The following CDKL1 variants were observed in gnomAD, a reference collection of about 807,000 sequenced individuals.
CDKL1 encodes cyclin-dependent kinase-like 1.
A neutral mutation model predicts 42.0 loss-of-function variants in CDKL1; 41 were observed. The observed-to-expected ratio is 0.98, with a 90% CI of 0.76 to 1.27. The LOEUF is 1.27. Ranked by LOEUF, CDKL1 falls within the 50% of genes most tolerant of loss-of-function variation. The pLI is 0.00. For missense variants in CDKL1, 394 were observed against 428.4 expected, an observed-to-expected ratio of 0.92 and a Z score of 0.71; for synonymous variants, 153 against 158.6, an observed-to-expected ratio of 0.96 and a Z score of 0.26.
intron 2 of CDKL1, among the ~76,000 whole-genome samples, chr14:50,361,962 C>A (rs377512870): frequency 6.6e-6 from 1 of 152,224 alleles, no homozygotes; most frequent in African/African-American, 2.4e-5. Flanking sequence ...GAGGGAGAGG[C>A]GCAGGCGGGA....
chr14:50,341,472 G>GGGT (rs2033535223), intron 5 of CDKL1, among the ~76,000 whole-genome samples: 1 of 92,786 alleles, frequency 1.1e-5, no homozygotes, highest in Non-Finnish European at 2.3e-5. Context: ...GGGGGGGGGG[G>GGGT]TTATTTGGCT....
intron 2 of CDKL1, chr14:50,363,055 C>T (rs891701477): frequency 2.4e-6 from 1 of 417,796 alleles, no homozygotes; most frequent in Non-Finnish European, 5.3e-6. Context: ...GAAAGAACAA[C>T]TCCAAACACA....
At chr14:50,372,105 T>G (rs10142261) in intron 2 of CDKL1, among the ~76,000 whole-genome samples, 113,694 of 151,908 alleles carry the variant, frequency 0.75, 43,099 homozygotes, top group African/African-American at 0.88. Flanking sequence ...TGGGTATTTT[T>G]GTTTTGTTTT....
chr14:50,363,533 A>C (rs1405927337), intron 2 of CDKL1, among the ~76,000 whole-genome samples: 1 of 152,308 alleles, frequency 6.6e-6, no homozygotes, highest in East Asian at 1.9e-4. Context: ...ACTGAAAAAT[A>C]ATCATCCTTA....
At chr14:50,340,281 C>A (rs2033464799) in intron 6 of CDKL1, among the ~76,000 whole-genome samples, 1 of 152,144 alleles carries the variant, frequency 6.6e-6, no homozygotes, top group African/African-American at 2.4e-5. Flanking sequence ...AAGACGTGGT[C>A]TCACCATCAG....
intron 2 of CDKL1, among the ~76,000 whole-genome samples, chr14:50,387,515 C>G (rs913711432): frequency 3.4e-5 from 4 of 119,258 alleles, no homozygotes; most frequent in Non-Finnish European, 7.3e-5. Flanking sequence ...AAGACCAAGA[C>G]TCCATCTCAA....
intron 9 of CDKL1, chr14:50,330,927 T>A (rs768710002): frequency 6.6e-6 from 1 of 152,224 alleles, no homozygotes; most frequent in Non-Finnish European, 1.5e-5. Flanking sequence ...CAGTTGATTC[T>A]TTCAGGATTT....
At chr14:50,392,036 T>C (rs1259481534) in intron 2 of CDKL1, among the ~76,000 whole-genome samples, 3 of 152,204 alleles carry the variant, frequency 2.0e-5, no homozygotes, top group Non-Finnish European at 4.4e-5. Context: ...CTCACACAGC[T>C]CTTGTCAAGG....
At chr14:50,337,756 C>A (rs369946156) in intron 7 of CDKL1, among the ~76,000 whole-genome samples, 3 of 150,080 alleles carry the variant, frequency 2.0e-5, no homozygotes, top group Non-Finnish European at 4.4e-5. Context: ...TCTCAGGTCA[C>A]TGCGGCCTCA....
intron 7 of CDKL1, chr14:50,336,002 A>T: frequency 7.3e-7 from 1 of 1,366,778 alleles, no homozygotes; most frequent in South Asian, 1.1e-5. Context: ...CTCATGCTCC[A>T]TAGCTTAAAT....
At chr14:50,332,775 T>G in intron 8 of CDKL1, 1 of 952,578 alleles carries the variant, frequency 1.0e-6, no homozygotes, top group South Asian at 1.5e-5. Context: ...CCCTTGCATG[T>G]ACTTTGTAAA....
intron 7 of CDKL1, chr14:50,335,911 G>A: frequency 7.8e-7 from 1 of 1,274,782 alleles, no homozygotes; most frequent in Non-Finnish European, 1.0e-6. Context: ...AGTTCCCTAT[G>A]TCAACAGGAG....
chr14:50,347,614 C>A (rs572561201), intron 3 of CDKL1, among the ~76,000 whole-genome samples: 1 of 152,248 alleles, frequency 6.6e-6, no homozygotes, highest in African/African-American at 2.4e-5. Flanking sequence ...CTCAGGAGAA[C>A]ACTGGAGGGG....
intron 2 of CDKL1, chr14:50,362,495 A>C (rs2034294094): frequency 5.3e-6 from 1 of 188,772 alleles, no homozygotes; most frequent in African/African-American, 2.4e-5. Context: ...TTGTGAATGC[A>C]CCAACTGGCA....
intron 2 of CDKL1, among the ~76,000 whole-genome samples, chr14:50,361,814 C>T (rs533719624): frequency 6.6e-6 from 1 of 152,384 alleles, no homozygotes; most frequent in African/African-American, 2.4e-5. Context: ...AGTCCTCGCT[C>T]GCTCTCGGCG....
At chr14:50,387,367 CAAGAAA>C (rs1283700512) in intron 2 of CDKL1, among the ~76,000 whole-genome samples, 1 of 151,946 alleles carries the variant, frequency 6.6e-6, no homozygotes, top group Admixed American at 6.5e-5. Context: ...ACTAAAAATA[CAAGAAA>C]TTAGTTAGGC....
At chr14:50,368,719 T>C (rs1192749950) in intron 2 of CDKL1, among the ~76,000 whole-genome samples, 1 of 152,140 alleles carries the variant, frequency 6.6e-6, no homozygotes, top group East Asian at 1.9e-4. Context: ...GTATCCTACG[T>C]GGGCAGCTGC....
At chr14:50,335,040 C>G (rs1466264178) in intron 7 of CDKL1, 1 of 203,146 alleles carries the variant, frequency 4.9e-6, no homozygotes, top group Non-Finnish European at 9.9e-6. Flanking sequence ...TGGCTCATGC[C>G]TATAATCCAC....
At chr14:50,335,170 C>T (rs1048699821) in intron 7 of CDKL1, among the ~76,000 whole-genome samples, 6 of 151,678 alleles carry the variant, frequency 4.0e-5, no homozygotes, top group African/African-American at 1.5e-4. Context: ...GTGGTGTGCG[C>T]CTCTAGTACT....
Sources: gnomAD v4.1 joint callset for allele counts (sites outside exome capture counted in the v4.1 genomes callset) on GRCh38, gnomAD v4.1.1 for gene constraint, MANE v1.5 for transcripts, NCBI Gene and HGNC (gene_info 2026-07-23, HGNC 2026-07-21) for gene names.